Variants in CCDC171 observed in about 807,000 individuals in gnomAD.
CCDC171 encodes the protein coiled-coil domain containing 171, also known as coiled-coil domain-containing protein 171.
A neutral mutation model predicts 168.2 loss-of-function variants in CCDC171; 177 were observed. The observed-to-expected ratio is 1.05, with a 90% confidence interval of 0.93 to 1.19. The LOEUF is 1.19. CCDC171 is among the 50% of genes most tolerant of loss of function. The pLI, the probability that CCDC171 is intolerant of heterozygous loss-of-function variation, is 0.00. For synonymous variants in CCDC171, 687 were observed against 540.8 expected (o/e 1.27, Z -3.75); for missense variants, 1,991 against 1,539.0 (o/e 1.29, Z -4.91).
intron 7 of CCDC171, among the ~76,000 whole-genome samples, chr9:15,650,704 TG>T (rs1177325811): frequency 2.6e-5 from 4 of 152,200 alleles, no homozygotes; most frequent in African/African-American, 9.7e-5. Context: ...TTGATACACA[TG>T]TTTTTTGTCT....
chr9:15,877,588 G>A (rs972575056), intron 24 of CCDC171, among the ~76,000 whole-genome samples: 6 of 151,980 alleles, frequency 3.9e-5, no homozygotes, highest in South Asian at 2.1e-4. Flanking sequence ...GAAACCTTTC[G>A]TTTAAGTTCC....
chr9:15,967,130 CT>C (rs1210277492), intron 25 of CCDC171, among the ~76,000 whole-genome samples: 8 of 152,148 alleles, frequency 5.3e-5, no homozygotes, highest in Admixed American at 1.3e-4. Context: ...TAGAATTTGG[CT>C]AACTCATCTG....
chr9:15,916,643 A>G (rs1824560354), intron 24 of CCDC171, among the ~76,000 whole-genome samples: 1 of 152,066 alleles, frequency 6.6e-6, no homozygotes, highest in Non-Finnish European at 1.5e-5. Context: ...AATAATATGT[A>G]CATAACAAAT....
chr9:15,781,846 C>G (rs1373057667), intron 20 of CCDC171, among the ~76,000 whole-genome samples: 1 of 152,088 alleles, frequency 6.6e-6, no homozygotes, highest in Non-Finnish European at 1.5e-5. Context: ...CTCATTTGGT[C>G]CTTATAATTA....
At chr9:15,575,582 C>G (rs944403126) in intron 3 of CCDC171, among the ~76,000 whole-genome samples, 5 of 152,082 alleles carry the variant, frequency 3.3e-5, no homozygotes, top group Admixed American at 1.3e-4. Flanking sequence ...AGCAGGGATT[C>G]TTAAGCTGGA....
chr9:15,769,969 A>G (rs1170376812), intron 18 of CCDC171, among the ~76,000 whole-genome samples: 1 of 152,196 alleles, frequency 6.6e-6, no homozygotes, highest in Non-Finnish European at 1.5e-5. Flanking sequence ...TACAAATTGC[A>G]TTGAATATGT....
chr9:15,746,982 A>G (rs1199584785), intron 18 of CCDC171, among the ~76,000 whole-genome samples: 4 of 152,228 alleles, frequency 2.6e-5, no homozygotes, highest in Non-Finnish European at 5.9e-5. Flanking sequence ...CCATGCCCAC[A>G]GAGCCCAGCA....
At chr9:15,773,672 A>G (rs574662080) in intron 18 of CCDC171, among the ~76,000 whole-genome samples, 2 of 151,768 alleles carry the variant, frequency 1.3e-5, no homozygotes, top group African/African-American at 4.8e-5. Flanking sequence ...GTATTATTAT[A>G]TAAATAATTT....
chr9:15,575,191 G>T (rs1301657322), intron 3 of CCDC171, among the ~76,000 whole-genome samples: 5 of 144,134 alleles, frequency 3.5e-5, no homozygotes, highest in Non-Finnish European at 6.0e-5. Context: ...TTTGAAACAG[G>T]GTCTCGCTCT....
chr9:15,691,719 C>A (rs2133697310), intron 10 of CCDC171, among the ~76,000 whole-genome samples: 1 of 151,896 alleles, frequency 6.6e-6, no homozygotes, highest in South Asian at 2.1e-4. Context: ...GCTCTGTCGC[C>A]CAGGCCGGAG....
intron 25 of CCDC171, among the ~76,000 whole-genome samples, chr9:15,945,597 C>T (rs9407693): frequency 0.83 from 95,218 of 114,484 alleles, 40,106 homozygotes; most frequent in East Asian, 0.94. Flanking sequence ...TGATATCTCA[C>T]TGTGGTTTTG....
At chr9:16,021,340 C>A (rs1254873262) in intron 4 of CCDC171, among the ~76,000 whole-genome samples, 1 of 152,192 alleles carries the variant, frequency 6.6e-6, no homozygotes, top group Non-Finnish European at 1.5e-5. Context: ...CCTACCTTGG[C>A]CTCCCAAAGT....
intron 21 of CCDC171, among the ~76,000 whole-genome samples, chr9:15,793,557 T>TTC (rs1216073770): frequency 2.7e-4 from 12 of 43,820 alleles, no homozygotes; most frequent in Non-Finnish European, 6.9e-4. Flanking sequence ...CAAGGTTTTT[T>TTC]TTTTTTTTTT....
intron 3 of CCDC171, among the ~76,000 whole-genome samples, chr9:15,992,906 C>T (rs926493130): frequency 3.1e-4 from 47 of 152,208 alleles, no homozygotes; most frequent in African/African-American, 1.1e-3. Flanking sequence ...AGGACCTCTT[C>T]ATGGAGAATT....
At chr9:15,755,213 T>C (rs2056024697) in intron 18 of CCDC171, among the ~76,000 whole-genome samples, 1 of 152,188 alleles carries the variant, frequency 6.6e-6, no homozygotes, top group Non-Finnish European at 1.5e-5. Context: ...AACGTGTTCA[T>C]GTTTGTGCCT....
intron 24 of CCDC171, among the ~76,000 whole-genome samples, chr9:15,890,401 C>T (rs770217): frequency 0.86 from 131,019 of 152,136 alleles, 56,477 homozygotes; most frequent in East Asian, 0.96. Context: ...CTATAAAATG[C>T]TATTGTCAGG....
chr9:15,693,275 A>G (rs1163492002), intron 10 of CCDC171, among the ~76,000 whole-genome samples: 1 of 152,042 alleles, frequency 6.6e-6, no homozygotes, highest in African/African-American at 2.4e-5. Context: ...CTGTCAACCC[A>G]CTTCCCTTTT....
At chr9:15,652,782 T>C (rs1465708418) in intron 7 of CCDC171, among the ~76,000 whole-genome samples, 3 of 152,204 alleles carry the variant, frequency 2.0e-5, no homozygotes, top group Non-Finnish European at 4.4e-5. Flanking sequence ...TTATGACATA[T>C]GTCTTCCATC....
chr9:15,565,304 C>T (rs2039644749), intron 2 of CCDC171, among the ~76,000 whole-genome samples: 1 of 151,908 alleles, frequency 6.6e-6, no homozygotes, highest in Non-Finnish European at 1.5e-5. Context: ...ATTTAGTATC[C>T]TGCTTTTTCA....
Sources: gnomAD v4.1 joint callset for allele counts (sites outside exome capture counted in the v4.1 genomes callset) on GRCh38, gnomAD v4.1.1 for gene constraint, MANE v1.5 for transcripts, NCBI Gene and HGNC (gene_info 2026-07-23, HGNC 2026-07-21) for gene names.